The following CHSY3 variants were observed in gnomAD, a reference collection of about 807,000 sequenced individuals.
The protein encoded by CHSY3 is N-acetylgalactosaminyl-proteoglycan 3-beta-glucuronosyltransferase 3.
CHSY3 carries 35 observed loss-of-function variants against 67.2 expected under a neutral mutation model. The observed-to-expected ratio is 0.52, with a 90% CI of 0.40 to 0.69. The LOEUF (loss-of-function observed/expected upper bound fraction) is 0.69, where lower values mean the gene tolerates loss of function less well. Ranked by LOEUF, CHSY3 falls within the 30% of genes least tolerant of loss-of-function variation. CHSY3 has a pLI of 0.00. For synonymous variants in CHSY3, 474 were observed against 434.7 expected, an observed-to-expected ratio of 1.09 and a Z score of -1.12; for missense variants, 1,069 against 1,138.5, an observed-to-expected ratio of 0.94 and a Z score of 0.88.
At chr5:129,961,058 A>G (rs1580584838) in intron 2 of CHSY3, among the ~76,000 whole-genome samples, 2 of 152,074 alleles carry the variant, frequency 1.3e-5, no homozygotes, top group East Asian at 3.9e-4. Flanking sequence ...GGCAAGTCTG[A>G]CTTGCTTTTC....
At chr5:130,031,579 C>T (rs953877571) in intron 2 of CHSY3, among the ~76,000 whole-genome samples, 1 of 152,004 alleles carries the variant, frequency 6.6e-6, no homozygotes. Flanking sequence ...ATCAAGATCC[C>T]AGTGAATTAT....
intron 2 of CHSY3, among the ~76,000 whole-genome samples, chr5:129,951,111 T>C (rs1176939816): frequency 6.6e-6 from 1 of 152,176 alleles, no homozygotes; most frequent in African/African-American, 2.4e-5. Flanking sequence ...AACTAGTCTT[T>C]GACAAAGACA....
chr5:130,090,422 A>T (rs1054345673), intron 2 of CHSY3, among the ~76,000 whole-genome samples: 6 of 152,106 alleles, frequency 3.9e-5, no homozygotes, highest in Non-Finnish European at 5.9e-5. Flanking sequence ...GTGCTTCCAC[A>T]CTAGTCACTT....
chr5:129,934,280 A>G (rs1351951132), intron 2 of CHSY3, among the ~76,000 whole-genome samples: 2 of 152,182 alleles, frequency 1.3e-5, no homozygotes, highest in Non-Finnish European at 2.9e-5. Context: ...ACATTACAAT[A>G]TAATTAGGGC....
rs568184445 is a variant in CHSY3, at chr5:130,111,361, A to G, written c.1087-72868A>G. On this transcript the variant is annotated intron_variant, in intron 2 of 2. Transcript: ENST00000305031. ...TTGATGGTGGATTATCTGAAACTAT[A>G]TATTTTATGACCCTGAATATATATG... Among the ~76,000 whole-genome samples, 32 of 152,220 alleles carry G rather than the reference A, an allele frequency of 2.1e-4. No homozygotes were observed. In the South Asian group the frequency reaches 6.0e-3, roughly 29 times the overall value.
intron 2 of CHSY3, among the ~76,000 whole-genome samples, chr5:129,947,965 T>C (rs1273725260): frequency 6.6e-6 from 1 of 152,176 alleles, no homozygotes; most frequent in Non-Finnish European, 1.5e-5. Context: ...TATTTGTTTT[T>C]GGGCTATTCA....
intron 2 of CHSY3, among the ~76,000 whole-genome samples, chr5:130,015,478 GA>G (rs1011799322): frequency 2.6e-5 from 4 of 151,946 alleles, no homozygotes; most frequent in Non-Finnish European, 4.4e-5. Flanking sequence ...ACAAACATAT[GA>G]AAAAAAATGT....
intron 2 of CHSY3, among the ~76,000 whole-genome samples, chr5:130,052,395 C>T (rs1304636141): frequency 6.6e-6 from 1 of 152,154 alleles, no homozygotes; most frequent in African/African-American, 2.4e-5. Context: ...AACTATGTAA[C>T]TATTAGCTAC....
intron 2 of CHSY3, among the ~76,000 whole-genome samples, chr5:130,043,302 A>G (rs1765056051): frequency 6.6e-6 from 1 of 151,966 alleles, no homozygotes; most frequent in African/African-American, 2.4e-5. Context: ...TAATAAATAT[A>G]TATTGTTAAA....
At chr5:129,987,048 T>G (rs1408879202) in intron 2 of CHSY3, among the ~76,000 whole-genome samples, 1 of 152,212 alleles carries the variant, frequency 6.6e-6, no homozygotes, top group East Asian at 1.9e-4. Context: ...TTTTATAATT[T>G]TTTAAATTAA....
chr5:130,061,366 G>C (rs1003919842), intron 2 of CHSY3, among the ~76,000 whole-genome samples: 1 of 151,570 alleles, frequency 6.6e-6, no homozygotes, highest in Non-Finnish European at 1.5e-5. Flanking sequence ...AATATGCAGA[G>C]GAATCTCTTT....
intron 2 of CHSY3, among the ~76,000 whole-genome samples, chr5:129,937,861 G>A (rs1761554454): frequency 6.6e-6 from 1 of 152,026 alleles, no homozygotes; most frequent in African/African-American, 2.4e-5. Flanking sequence ...GGCTCCCAAG[G>A]CCTTGGGAAG....
intron 2 of CHSY3, among the ~76,000 whole-genome samples, chr5:130,022,966 G>T (rs911956577): frequency 3.9e-5 from 6 of 151,938 alleles, no homozygotes; most frequent in Non-Finnish European, 7.4e-5. Context: ...ATCTGGGGAA[G>T]GGGTAAAGTT....
At chr5:129,936,575 C>T (rs1761500085) in intron 2 of CHSY3, among the ~76,000 whole-genome samples, 1 of 152,134 alleles carries the variant, frequency 6.6e-6, no homozygotes, top group Non-Finnish European at 1.5e-5. Flanking sequence ...CTCCATGTCA[C>T]CAGCTTGCTG....
intron 2 of CHSY3, among the ~76,000 whole-genome samples, chr5:130,009,405 A>G (rs1763980539): frequency 6.6e-6 from 1 of 152,154 alleles, no homozygotes; most frequent in Non-Finnish European, 1.5e-5. Flanking sequence ...TCCTTTTCAG[A>G]CAACCAAATG....
intron 2 of CHSY3, among the ~76,000 whole-genome samples, chr5:130,069,641 G>A (rs977284417): frequency 4.0e-5 from 6 of 151,736 alleles, no homozygotes. Flanking sequence ...TAATCTTATG[G>A]CTTTATTTAC....
chr5:130,142,187 C>CA (rs1474754698), intron 2 of CHSY3, among the ~76,000 whole-genome samples: 2 of 152,054 alleles, frequency 1.3e-5, no homozygotes, highest in African/African-American at 4.8e-5. Context: ...AAATTGGCAC[C>CA]AAAAAATTCT....
chr5:130,172,315 C>CTTTT (rs1392443530), intron 2 of CHSY3, among the ~76,000 whole-genome samples: 4 of 17,016 alleles, frequency 2.4e-4, no homozygotes, highest in African/African-American at 1.5e-3. Context: ...TTTTTCTTTT[C>CTTTT]TTTTCTTTTC....
intron 2 of CHSY3, among the ~76,000 whole-genome samples, chr5:130,088,547 G>A (rs1406851951): frequency 3.3e-5 from 5 of 151,838 alleles, no homozygotes; most frequent in Admixed American, 1.3e-4. Context: ...CAACCCCATC[G>A]AAAAGTGGGC....
Sources: gnomAD v4.1 joint callset for allele counts (sites outside exome capture counted in the v4.1 genomes callset) on GRCh38, gnomAD v4.1.1 for gene constraint, MANE v1.5 for transcripts, NCBI Gene and HGNC (gene_info 2026-07-23, HGNC 2026-07-21) for gene names.